HLA-DPA1: variants seen among roughly 807,000 people sequenced by gnomAD.
HLA-DPA1 encodes major histocompatibility complex, class II, DP alpha 1, also known as HLA class II histocompatibility antigen, DP alpha 1 chain.
A neutral mutation model predicts 21.5 loss-of-function variants in HLA-DPA1; 20 were observed. That is an observed-to-expected ratio of 0.93 (90% CI 0.66 to 1.35). The LOEUF is 1.35. Among genes scored for constraint, HLA-DPA1 ranks in the 40% most tolerant of loss-of-function variants. The probability of loss-of-function intolerance (pLI) is 0.00; values close to 1 mark genes in which losing one functional copy is unlikely to be tolerated. For synonymous variants in HLA-DPA1, 123 were observed against 129.6 expected (o/e 0.95, Z 0.35); for missense variants, 279 against 323.0 (o/e 0.86, Z 1.05).
intron 1 of HLA-DPA1, among the ~76,000 whole-genome samples, chr6:33,077,153 A>T (rs1762583696): frequency 7.1e-6 from 1 of 141,236 alleles, no homozygotes; most frequent in Non-Finnish European, 1.5e-5. Flanking sequence ...CCCACCTATG[A>T]GTGAGAACAT....
chr6:33,073,936 C>T (rs1762415978), intron 1 of HLA-DPA1, among the ~76,000 whole-genome samples: 1 of 152,168 alleles, frequency 6.6e-6, no homozygotes, highest in Middle Eastern at 3.2e-3. Flanking sequence ...CCACCCCCAT[C>T]CCAGACAGTC....
chr6:33,073,535 A>G (rs1292497786), exon 2 of HLA-DPA1: 5 of 1,612,878 alleles, frequency 3.1e-6, no homozygotes, highest in African/African-American at 1.3e-5. Context: ...TCAAGATCAC[A>G]GCTCTGATAT....
Position 33,072,878 on chromosome 6 carries a change from G to A in HLA-DPA1, c.100+593C>T, listed in dbSNP as rs143000475. ...ACCATGCAACCCTGCTGTCTTGAGAGAGGAAAGCTTGTGACCACCCACAAA... is the reference window on the plus strand; with the variant it reads ...ACCATGCAACCCTGCTGTCTTGAGAAAGGAAAGCTTGTGACCACCCACAAA... On this transcript the variant is annotated intron_variant, in intron 2 of 5. Coordinates refer to ENST00000419277, the Ensembl canonical transcript of HLA-DPA1. 3.5e-3 allele frequency among the ~76,000 whole-genome samples: 537 copies of A among 152,286 alleles called. 3 individuals carry two copies. The highest frequency in any genetic ancestry group is 0.026 in the East Asian group (133 of 5,186).
intron 1 of HLA-DPA1, among the ~76,000 whole-genome samples, chr6:33,077,903 G>A (rs1762628662): frequency 6.6e-6 from 1 of 152,154 alleles, no homozygotes; most frequent in African/African-American, 2.4e-5. Flanking sequence ...TCCAGGAAGG[G>A]GAGGAGAACT....
chr6:33,071,677 G>A (rs1762288176), intron 2 of HLA-DPA1, among the ~76,000 whole-genome samples: 1 of 152,216 alleles, frequency 6.6e-6, no homozygotes. Flanking sequence ...CAGGACAACA[G>A]CAGGTTCAGA....
intron 2 of HLA-DPA1, among the ~76,000 whole-genome samples, chr6:33,072,253 G>C (rs1459667313): frequency 6.6e-6 from 1 of 152,216 alleles, no homozygotes; most frequent in Non-Finnish European, 1.5e-5. Context: ...AGGATCCTCA[G>C]GGATGTACCA....
intron 5 of HLA-DPA1, 125 bp downstream of exon 4, chr6:33,068,513 G>T: frequency 1.4e-6 from 1 of 710,010 alleles, no homozygotes; most frequent in Non-Finnish European, 2.4e-6. Flanking sequence ...AGTTATCGGT[G>T]TTGTTGTTGT....
intron 2 of HLA-DPA1, 23 bp downstream of exon 1, chr6:33,073,448 C>T: frequency 6.6e-7 from 1 of 1,523,338 alleles, no homozygotes; most frequent in Non-Finnish European, 9.1e-7. Context: ...CCCCGACGCT[C>T]CTGCGTCCTC....
chr6:33,068,109 T>C (rs960849878), intron 5 of HLA-DPA1: 4 of 152,314 alleles, frequency 2.6e-5, no homozygotes, highest in African/African-American at 7.2e-5. Flanking sequence ...AACATTGCCA[T>C]GGAATGAGTC....
chr6:33,073,753 A>G, intron 1 of HLA-DPA1, 104 bp from the exon 1 acceptor site: 4 of 572,408 alleles, frequency 7.0e-6, no homozygotes, highest in Non-Finnish European at 1.2e-5. Flanking sequence ...GTTGCTGGGT[A>G]AAGAGGACGC....
At chr6:33,068,355 A>T (rs72870111) in intron 5 of HLA-DPA1, 2 of 310,136 alleles carry the variant, frequency 6.4e-6, no homozygotes, top group Non-Finnish European at 1.2e-5. Context: ...AAGTGCTTAA[A>T]GTCTCTGTGT....
At chr6:33,077,076 C>CA (rs1762578121) in intron 1 of HLA-DPA1, among the ~76,000 whole-genome samples, 1 of 124,264 alleles carries the variant, frequency 8.0e-6, no homozygotes, top group African/African-American at 3.1e-5. Context: ...CCCCTCCCCC[C>CA]ACCCCACAAC....
At chr6:33,068,126 G>C (rs1762054188) in intron 5 of HLA-DPA1, 1 of 152,436 alleles carries the variant, frequency 6.6e-6, no homozygotes, top group Non-Finnish European at 1.5e-5. Flanking sequence ...AGTCCAAGTA[G>C]AGACAGTAAG....
At chr6:33,068,770 C>T (rs773764963) in exon 5 of HLA-DPA1, 115 of 1,612,884 alleles carry the variant, frequency 7.1e-5, no homozygotes, top group Non-Finnish European at 9.1e-5. Context: ...GCACAGTCTC[C>T]GTTGTCTCAG....
intron 1 of HLA-DPA1, chr6:33,076,133 C>A: frequency 6.2e-7 from 1 of 1,606,992 alleles, no homozygotes; most frequent in Non-Finnish European, 8.5e-7. Context: ...CAGGGCAGGG[C>A]CACTCCAGGT....
At chr6:33,069,865 G>C in exon 3 of HLA-DPA1, 3 of 1,609,666 alleles carry the variant, frequency 1.9e-6, no homozygotes, top group Non-Finnish European at 2.5e-6. Flanking sequence ...TACAAACGCG[G>C]CATAAGTTGA....
chr6:33,071,056 G>A (rs201911418), intron 2 of HLA-DPA1, among the ~76,000 whole-genome samples: 43,838 of 151,854 alleles, frequency 0.29, 8,351 homozygotes, highest in East Asian at 0.69. Context: ...GGAACTACGG[G>A]ACTCTTCTGC....
exon 6 of HLA-DPA1, chr6:33,065,014 T>C (rs1761889285): frequency 6.6e-6 from 1 of 152,162 alleles, no homozygotes; most frequent in Non-Finnish European, 1.5e-5. Context: ...GTCTCCCCGC[T>C]CTGAAATACT....
intron 1 of HLA-DPA1, chr6:33,076,124 A>AG: frequency 6.2e-7 from 1 of 1,610,072 alleles, no homozygotes; most frequent in Non-Finnish European, 8.5e-7. Context: ...TCTGTGGTCC[A>AG]GGGCAGGGCC....
Sources: gnomAD v4.1 joint callset for allele counts (sites outside exome capture counted in the v4.1 genomes callset) on GRCh38, gnomAD v4.1.1 for gene constraint, MANE v1.5 for transcripts, NCBI Gene and HGNC (gene_info 2026-07-23, HGNC 2026-07-21) for gene names.